The following MCF2L variants were observed in gnomAD, a reference collection of about 807,000 sequenced individuals.
MCF2L encodes MCF.2 cell line derived transforming sequence like.
A neutral mutation model predicts 153.4 loss-of-function variants in MCF2L; 97 were observed. That is an observed-to-expected ratio of 0.63 (90% CI 0.54 to 0.75). MCF2L has a LOEUF of 0.75. Ranked by LOEUF, MCF2L falls within the 30% of genes least tolerant of loss-of-function variation. The probability of loss-of-function intolerance (pLI) is 0.00; values close to 1 mark genes in which losing one functional copy is unlikely to be tolerated. For missense variants in MCF2L, 1,347 were observed against 1,495.2 expected (o/e 0.90, Z 1.64); for synonymous variants, 659 against 632.2 (o/e 1.04, Z -0.64).
intron 3 of MCF2L, among the ~76,000 whole-genome samples, chr13:113,033,243 C>T (rs1277072570): frequency 1.6e-5 from 2 of 127,674 alleles, no homozygotes; most frequent in Admixed American, 7.8e-5. Flanking sequence ...ACGTGAGTGG[C>T]CCCCGTGACA....
intron 2 of MCF2L, among the ~76,000 whole-genome samples, chr13:112,938,007 T>C (rs1479774781): frequency 3.8e-3 from 4 of 1,062 alleles, no homozygotes; most frequent in African/African-American, 6.5e-3. Context: ...TTGGTTCAAG[T>C]GAGTGCTGAT....
intron 1 of MCF2L, among the ~76,000 whole-genome samples, chr13:112,895,184 G>C (rs1008711972): frequency 6.6e-6 from 1 of 152,128 alleles, no homozygotes; most frequent in African/African-American, 2.4e-5. Flanking sequence ...CCCTTATATA[G>C]GATGCTGCGG....
chr13:113,072,898 C>T (rs901535608), intron 9 of MCF2L, among the ~76,000 whole-genome samples: 11 of 152,206 alleles, frequency 7.2e-5, no homozygotes, highest in Admixed American at 3.9e-4. Context: ...AACTTACATT[C>T]TTTATTTGAG....
chr13:113,057,680 G>GTTGGGTGCTGAGTGT, intron 4 of MCF2L, among the ~76,000 whole-genome samples: 1 of 142,118 alleles, frequency 7.0e-6, no homozygotes, highest in Non-Finnish European at 1.5e-5. Flanking sequence ...GGTGCTGAGT[G>GTTGGGTGCTGAGTGT]TTGGGTGCTG....
chr13:113,034,135 CTTTTTTTT>C (rs751621952), intron 3 of MCF2L: 2 of 125,182 alleles, frequency 1.6e-5, no homozygotes, highest in South Asian at 2.6e-4. Flanking sequence ...AGGGCTGCCT[CTTTTTTTT>C]TTTTTTTTTT....
intron 1 of MCF2L, among the ~76,000 whole-genome samples, chr13:112,985,740 T>C (rs2082611466): frequency 6.6e-6 from 1 of 152,222 alleles, no homozygotes; most frequent in Non-Finnish European, 1.5e-5. Flanking sequence ...CTGGCAAGCC[T>C]GAGCCTCACA....
Position 113,076,171 on chromosome 13 carries a change from G to T in MCF2L, c.1500+14G>T. 6.3e-7 allele frequency: 1 copy of T among 1,599,830 alleles called. No individual in the cohort carries two copies. The highest frequency in any genetic ancestry group is 8.5e-7 in the Non-Finnish European group (1 of 1,171,102). On this transcript the variant is annotated intron_variant, in intron 12 of 29. Transcript: ENST00000535094. ...CAAGATCTCATGGTAACGCTGACTC[G>T]GGCTCTCCATTTGCAGCTTGCTGTC...
chr13:113,023,315 G>A (rs1450292077), intron 2 of MCF2L, among the ~76,000 whole-genome samples: 2 of 152,218 alleles, frequency 1.3e-5, no homozygotes, highest in Admixed American at 6.5e-5. Context: ...GAGGGGTGCC[G>A]ACAAGGACTC....
intron 2 of MCF2L, among the ~76,000 whole-genome samples, chr13:113,015,677 C>T (rs572091926): frequency 1.3e-5 from 2 of 152,294 alleles, no homozygotes; most frequent in South Asian, 2.1e-4. Flanking sequence ...AGGCTGACTG[C>T]GAGGTGCAGC....
At chr13:113,078,632 C>T (rs773307917) in intron 14 of MCF2L, 34 bp from the exon 15 acceptor site, 22 of 1,593,002 alleles carry the variant, frequency 1.4e-5, no homozygotes, top group African/African-American at 6.7e-5. Flanking sequence ...GGTTCCGTCC[C>T]GCCTTTCAGA....
At chr13:113,090,026 G>T (rs2035048608) in intron 26 of MCF2L, 1 of 1,598,556 alleles carries the variant, frequency 6.3e-7, no homozygotes. Flanking sequence ...TCCGCATCGG[G>T]TTGCGATGCC....
In MCF2L at chr13:113,045,154, C is replaced by A; in HGVS notation, c.279-117C>A. On this transcript the variant is annotated intron_variant, in intron 3 of 29. Coordinates refer to ENST00000535094, the MANE Select transcript of MCF2L (RefSeq NM_001112732.3). This position sits in a 1 kb window ranked among gnomAD's most constrained non-coding sequence, Gnocchi z 4.2. ...GTGCCATGCCTCTCACCTGGTATTG[C>A]AGAAATGGCATCATGAATATGGGGG... The A allele has an allele frequency of 1.0e-6, 1 of 994,266 alleles. No individual in the cohort carries two copies. The highest frequency in any genetic ancestry group is 1.6e-6 in the Non-Finnish European group (1 of 627,628). The allele number at this position is 994,266 out of a possible 1,614,324, so 61.6% of individuals were successfully genotyped here.
rs1477752397 is a variant in MCF2L, at chr13:113,098,990, G to A, written c.*2131G>A. Reference sequence around the variant, plus strand: ...AGACGTGATCATGTTATGCTGGCCTGGAAGAGCATCGGATCAGACGTGACA... The same window carrying A: ...AGACGTGATCATGTTATGCTGGCCTAGAAGAGCATCGGATCAGACGTGACA... On this transcript the variant is annotated 3_prime_UTR_variant, in exon 30 of 30. Coordinates refer to ENST00000535094, the MANE Select transcript of MCF2L (RefSeq NM_001112732.3). 1 of 152,272 alleles carries A rather than the reference G, an allele frequency of 6.6e-6. No homozygotes were observed. The highest frequency in any genetic ancestry group is 1.5e-5 in the Non-Finnish European group (1 of 68,060). 9.4% of individuals were successfully genotyped at this position (152,272 alleles called of 1,614,324 possible). A position where few individuals can be genotyped will look rare whatever the true frequency, so the allele number is the denominator to read the frequency against.
rs1249256684 is a variant in MCF2L at position 113,025,793 on chromosome 13, T to C, written c.278+1035T>C. 3.8e-3 allele frequency among the ~76,000 whole-genome samples: 424 copies of C among 111,788 alleles called. 1 individual carries two copies. Among genetic ancestry groups the C allele is most frequent in the African/African-American group, 0.015 (389 of 26,018 alleles). 73.3% of individuals were successfully genotyped at this position (111,788 alleles called of 152,430 possible). A position where few individuals can be genotyped will look rare whatever the true frequency, so the allele number is the denominator to read the frequency against. On this transcript the variant is annotated intron_variant, in intron 3 of 29. Coordinates refer to ENST00000535094, the MANE Select transcript of MCF2L (RefSeq NM_001112732.3). ...AGGCAGAGTCCCTGTGAGATTTCCCTGTCATGGGGTCCCCGTGACTGTGGG... is the reference window on the plus strand; with the variant it reads ...AGGCAGAGTCCCTGTGAGATTTCCCCGTCATGGGGTCCCCGTGACTGTGGG...
At chr13:113,066,193 C>A in intron 8 of MCF2L, 23 bp downstream of exon 8, 1 of 1,588,904 alleles carries the variant, frequency 6.3e-7, no homozygotes, top group Non-Finnish European at 8.6e-7. Context: ...TGCCTTCCTG[C>A]CCTCATCCTG....
intron 1 of MCF2L, among the ~76,000 whole-genome samples, chr13:112,982,608 C>T (rs1037043782): frequency 6.6e-6 from 1 of 152,112 alleles, no homozygotes; most frequent in African/African-American, 2.4e-5. Flanking sequence ...GGGAGGCGGG[C>T]GTCACAGCTG....
chr13:113,048,950 G>A (rs1439308025), intron 4 of MCF2L, among the ~76,000 whole-genome samples: 2 of 152,186 alleles, frequency 1.3e-5, no homozygotes, highest in African/African-American at 4.8e-5. Flanking sequence ...CATGGGGAGG[G>A]GGCAGAGTTA....
chr13:112,959,009 T>G (rs2081792635), intron 2 of MCF2L, among the ~76,000 whole-genome samples: 1 of 152,218 alleles, frequency 6.6e-6, no homozygotes, highest in African/African-American at 2.4e-5. Flanking sequence ...GTGGCCGCTA[T>G]GCCTCTTCCA....
rs1594940527 is a variant in MCF2L at position 113,075,209 on chromosome 13, A to C, written c.1308+20A>C. 1 of 1,563,500 alleles carries C rather than the reference A, an allele frequency of 6.4e-7. No individual in the cohort carries two copies. The highest frequency in any genetic ancestry group is 1.2e-5 in the South Asian group (1 of 86,628). On this transcript the variant is annotated intron_variant, in intron 11 of 29. Coordinates refer to ENST00000535094, the MANE Select transcript of MCF2L (RefSeq NM_001112732.3). ...GAGACGGTAGGCCGAGCCGGACCCC[A>C]CCCCACTCCCCCCCAGCTGCGGAAC...
Sources: allele counts gnomAD v4.1 joint callset (sites outside exome capture counted in the v4.1 genomes callset), GRCh38; gene constraint gnomAD v4.1.1; non-coding constraint Gnocchi (gnomAD v3.1); transcripts MANE v1.5; gene names NCBI Gene and HGNC (gene_info 2026-07-23, HGNC 2026-07-21).